Variants in PRELID2 observed in about 807,000 individuals in gnomAD.
PRELID2 encodes PRELI domain-containing protein 2.
PRELID2 carries 25 observed loss-of-function variants against 28.4 expected under a neutral mutation model. That is an observed-to-expected ratio of 0.88 (90% CI 0.64 to 1.23). The LOEUF (loss-of-function observed/expected upper bound fraction) is 1.23, where lower values mean the gene tolerates loss of function less well. Ranked by LOEUF, PRELID2 falls within the 50% of genes most tolerant of loss-of-function variation. The probability of loss-of-function intolerance (pLI) is 0.00; values close to 1 mark genes in which losing one functional copy is unlikely to be tolerated. For missense variants in PRELID2, 201 were observed against 214.4 expected (o/e 0.94, Z 0.39); for synonymous variants, 76 against 71.6 (o/e 1.06, Z -0.31).
At chr5:145,703,013 A>T (rs1366328537) in intron 1 of PRELID2, among the ~76,000 whole-genome samples, 1 of 152,214 alleles carries the variant, frequency 6.6e-6, no homozygotes, top group Non-Finnish European at 1.5e-5. Context: ...CTCAACCCTA[A>T]CAAAAATGCA....
At chr5:145,480,277 C>T (rs1363656168) in intron 1 of PRELID2, among the ~76,000 whole-genome samples, 1 of 152,122 alleles carries the variant, frequency 6.6e-6, no homozygotes, top group African/African-American at 2.4e-5. Context: ...CATCATATAG[C>T]AATCACCTGC....
chr5:145,433,884 C>T, the PRELID2 span, among the ~76,000 whole-genome samples: 1 of 152,188 alleles, frequency 6.6e-6, no homozygotes, highest in Non-Finnish European at 1.5e-5. Context: ...TTCTGTGCAA[C>T]CATTTCCCTA....
intron 1 of PRELID2, among the ~76,000 whole-genome samples, chr5:145,726,492 T>C (rs1581103742): frequency 1.3e-5 from 2 of 152,154 alleles, no homozygotes; most frequent in African/African-American, 4.8e-5. Context: ...CTATTAGCAA[T>C]TTAATTCCTG....
At chr5:145,728,444 C>A (rs538789548) in intron 1 of PRELID2, 11 of 587,718 alleles carry the variant, frequency 1.9e-5, no homozygotes, top group South Asian at 1.7e-4. Flanking sequence ...AACAGGGACC[C>A]CGGATCTGGA....
chr5:145,527,336 A>G (rs1752617075), intron 1 of PRELID2, among the ~76,000 whole-genome samples: 1 of 152,244 alleles, frequency 6.6e-6, no homozygotes, highest in African/African-American at 2.4e-5. Context: ...GGTGGATTAT[A>G]CCAACATCAA....
At chr5:145,800,525 A>C (rs1042755511) in intron 4 of PRELID2, among the ~76,000 whole-genome samples, 1 of 152,196 alleles carries the variant, frequency 6.6e-6, no homozygotes, top group African/African-American at 2.4e-5. Flanking sequence ...TGAAAAGTTG[A>C]GCAGTCTCAC....
chr5:145,240,988 A>G, the PRELID2 span, among the ~76,000 whole-genome samples: 1 of 151,946 alleles, frequency 6.6e-6, no homozygotes, highest in Non-Finnish European at 1.5e-5. Context: ...AAACAGGTTA[A>G]AGAGCTTCCT....
At chr5:145,827,732 A>G (rs1355477320) in intron 1 of PRELID2, among the ~76,000 whole-genome samples, 2 of 152,344 alleles carry the variant, frequency 1.3e-5, no homozygotes, top group East Asian at 3.9e-4. Context: ...GATACACTAC[A>G]AATAACTGCC....
chr5:145,264,891 T>G, the PRELID2 span, among the ~76,000 whole-genome samples: 1 of 149,906 alleles, frequency 6.7e-6, no homozygotes, highest in Admixed American at 6.7e-5. Context: ...GGAGAATTGT[T>G]CTAACCCAGG....
In PRELID2 at chr5:145,657,994, A is replaced by G. The variant is rs190039017; in HGVS notation, n.70+106937T>C. 3.9e-5 allele frequency among the ~76,000 whole-genome samples: 6 copies of G among 152,296 alleles called. No individual in the cohort carries two copies. The South Asian group carries it at 1.0e-3, about 26-fold the overall frequency. On this transcript the variant is annotated intron_variant and non_coding_transcript_variant, in intron 1 of 2. Transcript: ENST00000510259. The stretch of plus-strand genomic sequence containing the variant: ...AGTCATATAAATAACATGCTCATAG[A>G]TGTCATATAACTTACCAAATCACAC...
chr5:145,300,700 CT>C, the PRELID2 span, among the ~76,000 whole-genome samples: 1,881 of 128,336 alleles, frequency 0.015, 28 homozygotes, highest in African/African-American at 0.045. Context: ...TTTTTATTTA[CT>C]TTTTTTTTTT....
intron 1 of PRELID2, among the ~76,000 whole-genome samples, chr5:145,698,784 T>C (rs1404626966): frequency 1.3e-5 from 2 of 152,256 alleles, no homozygotes; most frequent in Non-Finnish European, 2.9e-5. Context: ...TGGAGTTCAA[T>C]GGTGTGATCT....
the PRELID2 span, among the ~76,000 whole-genome samples, chr5:145,337,246 C>T: frequency 2.0e-5 from 3 of 151,378 alleles, no homozygotes; most frequent in Non-Finnish European, 4.4e-5. Flanking sequence ...TAAGACAAAA[C>T]ACAATAGAAA....
intron 1 of PRELID2, among the ~76,000 whole-genome samples, chr5:145,623,473 T>C (rs1013368664): frequency 1.7e-4 from 26 of 150,018 alleles, no homozygotes; most frequent in African/African-American, 6.4e-4. Context: ...AATAAATAAA[T>C]AAAACAAAAA....
At chr5:145,435,795 T>C in the PRELID2 span, among the ~76,000 whole-genome samples, 6 of 152,176 alleles carry the variant, frequency 3.9e-5, no homozygotes, top group Admixed American at 2.6e-4. Flanking sequence ...AGGTAAGCAG[T>C]TGAGTTTTGA....
intron 1 of PRELID2, among the ~76,000 whole-genome samples, chr5:145,537,657 T>A (rs1187191907): frequency 1.3e-5 from 2 of 151,904 alleles, no homozygotes; most frequent in African/African-American, 4.8e-5. Flanking sequence ...CCTGTTTTTT[T>A]AATTGGGCTA....
At chr5:145,607,892 T>C (rs1440710582) in intron 1 of PRELID2, among the ~76,000 whole-genome samples, 1 of 152,188 alleles carries the variant, frequency 6.6e-6, no homozygotes, top group Non-Finnish European at 1.5e-5. Context: ...TCTTCATAGG[T>C]GTCTAAGAAC....
At chr5:145,493,289 A>G (rs1752283354) in intron 1 of PRELID2, among the ~76,000 whole-genome samples, 1 of 152,126 alleles carries the variant, frequency 6.6e-6, no homozygotes, top group Non-Finnish European at 1.5e-5. Context: ...TGATCATCAG[A>G]TCATTTCAGG....
intron 1 of PRELID2, among the ~76,000 whole-genome samples, chr5:145,607,157 CA>C (rs1217055269): frequency 1.3e-5 from 2 of 152,134 alleles, no homozygotes; most frequent in East Asian, 3.9e-4. Context: ...GACCAGATAG[CA>C]GCCTATCAAT....
Sources: gnomAD v4.1 joint callset for allele counts (sites outside exome capture counted in the v4.1 genomes callset) on GRCh38, gnomAD v4.1.1 for gene constraint, MANE v1.5 for transcripts, NCBI Gene and HGNC (gene_info 2026-07-23, HGNC 2026-07-21) for gene names.